PTRH2: variants seen among roughly 807,000 people sequenced by gnomAD.
PTRH2 encodes the protein peptidyl-tRNA hydrolase 2, also known as peptidyl-tRNA hydrolase 2, mitochondrial.
PTRH2 carries 10 observed loss-of-function variants against 12.3 expected under a neutral mutation model. The ratio of observed to expected loss-of-function variants is 0.81; its 90% CI spans 0.50 to 1.38. The LOEUF (loss-of-function observed/expected upper bound fraction) is 1.38, where lower values mean the gene tolerates loss of function less well. Among genes scored for constraint, PTRH2 ranks in the 40% most tolerant of loss-of-function variants. The pLI is 0.00. For missense variants in PTRH2, 176 were observed against 214.1 expected, an observed-to-expected ratio of 0.82 and a Z score of 1.11; for synonymous variants, 73 against 77.4, an observed-to-expected ratio of 0.94 and a Z score of 0.30.
intron 1 of PTRH2, 134 bp from the exon 2 acceptor site, chr17:59,698,112 G>T: frequency 1.2e-6 from 1 of 863,306 alleles, no homozygotes; most frequent in Non-Finnish European, 1.7e-6. Context: ...TTGATCTTAT[G>T]CCTGCACCCT....
At chr17:59,698,077 T>C in intron 1 of PTRH2, 99 bp from the exon 2 acceptor site, 1 of 1,302,830 alleles carries the variant, frequency 7.7e-7, no homozygotes, top group Non-Finnish European at 1.0e-6. Flanking sequence ...TTAATGGTCA[T>C]CCAGAAAAAA....
chr17:59,704,011 T>C (rs1367827858), intron 1 of PTRH2, among the ~76,000 whole-genome samples: 1 of 151,606 alleles, frequency 6.6e-6, no homozygotes, highest in Non-Finnish European at 1.5e-5. Context: ...TTTCACCATG[T>C]TGGCCAGGCT....
chr17:59,700,470 G>A (rs1383521475), intron 1 of PTRH2: 3 of 152,104 alleles, frequency 2.0e-5, no homozygotes, highest in African/African-American at 2.4e-5. Flanking sequence ...TGATTGGCAC[G>A]GCATAGATGA....
intron 1 of PTRH2, chr17:59,699,098 TTTC>T: frequency 1.8e-6 from 1 of 543,008 alleles, no homozygotes; most frequent in South Asian, 2.3e-5. Flanking sequence ...GTACAGCTTG[TTTC>T]TTCTTTTCAC....
chr17:59,702,545 A>G (rs2033572382), intron 1 of PTRH2, among the ~76,000 whole-genome samples: 1 of 152,222 alleles, frequency 6.6e-6, no homozygotes, highest in Non-Finnish European at 1.5e-5. Flanking sequence ...AACAGGCCAC[A>G]GGGACGCCTG....
intron 1 of PTRH2, among the ~76,000 whole-genome samples, chr17:59,703,509 CT>C (rs561234290): frequency 9.3e-4 from 142 of 152,246 alleles, no homozygotes; most frequent in Non-Finnish European, 1.7e-3. Context: ...AGCCCTTGTT[CT>C]TTTTTCTTTT....
At chr17:59,704,274 G>A (rs1459912330) in intron 1 of PTRH2, among the ~76,000 whole-genome samples, 3 of 152,224 alleles carry the variant, frequency 2.0e-5, no homozygotes, top group Non-Finnish European at 2.9e-5. Flanking sequence ...AAAGGGAGAA[G>A]TTAATAATGA....
chr17:59,700,568 A>G (rs2033537822), intron 1 of PTRH2: 1 of 152,208 alleles, frequency 6.6e-6, no homozygotes, highest in Admixed American at 6.5e-5. Context: ...ATTTTAACAT[A>G]AAAGGGGTTA....
chr17:59,701,844 C>A (rs1178982760), intron 1 of PTRH2, among the ~76,000 whole-genome samples: 1 of 151,562 alleles, frequency 6.6e-6, no homozygotes, highest in Non-Finnish European at 1.5e-5. Context: ...AGGCACCCAC[C>A]ATCACACCCG....
intron 1 of PTRH2, among the ~76,000 whole-genome samples, chr17:59,704,266 A>C (rs2033604102): frequency 6.6e-6 from 1 of 152,240 alleles, no homozygotes; most frequent in African/African-American, 2.4e-5. Flanking sequence ...GGCAAAAGAA[A>C]GGGAGAAGTT....
intron 1 of PTRH2, among the ~76,000 whole-genome samples, chr17:59,706,503 C>T (rs1275587821): frequency 6.6e-6 from 1 of 150,440 alleles, no homozygotes; most frequent in African/African-American, 2.4e-5. Flanking sequence ...AGTTTACAAC[C>T]GAAAAAAACA....
rs192936174 is a variant in PTRH2, at chr17:59,702,708, C to G, written c.-1+4663G>C. Among the ~76,000 whole-genome samples the G allele has an allele frequency of 3.3e-5, 5 of 152,290 alleles. No homozygotes were observed. The East Asian group carries it at 9.6e-4, about 29-fold the overall frequency. On this transcript the variant is annotated intron_variant, in intron 1 of 1. Coordinates refer to ENST00000393038, the MANE Select transcript of PTRH2 (RefSeq NM_016077.5). ...TATAGGAATTGTCTTCTTTAATGTG[C>G]CTAACAGCACTTCAAGGTAAATAGA... is the stretch of plus-strand genomic sequence containing the variant.
In PTRH2 at chr17:59,698,253, C is replaced by G. The variant is rs566376354; in HGVS notation, c.1-275G>C. 37 of 456,282 alleles carry G rather than the reference C, an allele frequency of 8.1e-5. No individual in the cohort carries two copies. In the South Asian group the frequency reaches 1.1e-3, roughly 14 times the overall value. The allele number at this position is 456,282 out of a possible 1,614,324, so 28.3% of individuals were successfully genotyped here. On this transcript the variant is annotated intron_variant, in intron 1 of 1. Transcript: ENST00000393038. ...AAGTTCAAAAACTCTATTCCTCAGT[C>G]TTCCCTTAGTCTTGTGGAGATGTTC...
intron 1 of PTRH2, among the ~76,000 whole-genome samples, chr17:59,705,591 T>C (rs751768734): frequency 1.3e-5 from 2 of 152,138 alleles, no homozygotes; most frequent in Non-Finnish European, 2.9e-5. Flanking sequence ...TCCTGATTTT[T>C]TAAAAATTTT....
chr17:59,702,639 G>A (rs2033574132), intron 1 of PTRH2, among the ~76,000 whole-genome samples: 2 of 152,196 alleles, frequency 1.3e-5, no homozygotes, highest in South Asian at 4.1e-4. Context: ...TGTAGTAATA[G>A]TTAACATTTA....
Position 59,697,685 on chromosome 17 carries a change from T to C in PTRH2, c.294A>G (p.Gln98=). ...HAAVSAYKQI[Q]RRNPEMLKQW... ...GTTTGAGCATTTCAGGATTTCTTCT[T>C]TGAATCTGCTTGTAGGCTGAAACAG... The change falls in exon 2 of 2, where the codon CAA becomes CAG. Residue 98 remains glutamine (Q), a synonymous_variant. Transcript: ENST00000393038. 2.5e-6 allele frequency: 4 copies of C among 1,614,194 alleles called. No homozygotes were observed.
intron 1 of PTRH2, chr17:59,698,677 C>A: frequency 1.9e-6 from 1 of 539,104 alleles, no homozygotes; most frequent in Non-Finnish European, 3.3e-6. Context: ...ATACTGTAAG[C>A]CAAAAATGCA....
intron 1 of PTRH2, chr17:59,700,793 G>A (rs1429089500): frequency 6.6e-6 from 1 of 152,170 alleles, no homozygotes; most frequent in African/African-American, 2.4e-5. Context: ...TGTGGTTTTG[G>A]AAAGGAAAAG....
rs2033462231 is a variant in PTRH2, at chr17:59,697,580, T to C, written c.399A>G (p.Ala133=). The C allele has an allele frequency of 1.9e-6, 3 of 1,614,212 alleles. No homozygotes were observed. Among genetic ancestry groups the C allele is most frequent in the Non-Finnish European group, 2.5e-6 (3 of 1,180,016 alleles). The change falls in exon 2 of 2, where the codon GCA becomes GCG. Residue 133 remains alanine, a synonymous_variant. Transcript: ENST00000393038. ...AACTTACAGTCAGTCCCAGCATTTT[T>C]GCATGGGCCAATAATGCAATCAGGG... ...EETLIALLAH[A]KMLGLTVSLI...
Sources: gnomAD v4.1 joint callset for allele counts (sites outside exome capture counted in the v4.1 genomes callset) on GRCh38, gnomAD v4.1.1 for gene constraint, MANE v1.5 for transcripts, NCBI Gene and HGNC (gene_info 2026-07-23, HGNC 2026-07-21) for gene names.